The following SERGEF variants were observed in gnomAD, a reference collection of about 807,000 sequenced individuals.
SERGEF encodes the protein secretion-regulating guanine nucleotide exchange factor.
In SERGEF, 51 loss-of-function variants were observed where a neutral mutation model predicts 50.0. The observed-to-expected ratio is 1.02, with a 90% confidence interval of 0.81 to 1.29. The LOEUF (loss-of-function observed/expected upper bound fraction) is 1.29. Among genes scored for constraint, SERGEF ranks in the 50% most tolerant of loss-of-function variants. SERGEF has a pLI of 0.00. For missense variants in SERGEF, 521 were observed against 557.0 expected (o/e 0.94, Z 0.65); for synonymous variants, 205 against 212.4 (o/e 0.97, Z 0.30).
rs1849423022 is a variant in SERGEF at position 17,788,313 on chromosome 11, T to C, written c.1149A>G (p.Ser383=). ...CACAGCCCACAAGGAGTCCTGACGA[T>C]GACAGCAGAGCCTGCACCGGCTTTG... The part of the protein sequence containing the change: ...WAPKPVQALL[S]SSGLLVGCGA... Residue 383 remains serine, a synonymous_variant, in exon 11 of 11, where the codon TCA becomes TCG. Transcript: ENST00000265965. 5 of 1,614,122 alleles carry C rather than the reference T, an allele frequency of 3.1e-6. No individual in the cohort carries two copies. In the South Asian group the frequency reaches 4.4e-5, roughly 14 times the overall value.
intron 9 of SERGEF, among the ~76,000 whole-genome samples, chr11:17,923,013 C>T (rs1254249169): frequency 3.3e-5 from 5 of 152,204 alleles, no homozygotes; most frequent in African/African-American, 1.2e-4. Context: ...GTAATGACCA[C>T]GGGGCCAGCC....
chr11:17,909,005 A>G (rs1851901939), intron 9 of SERGEF, among the ~76,000 whole-genome samples: 1 of 152,234 alleles, frequency 6.6e-6, no homozygotes, highest in Admixed American at 6.5e-5. Context: ...AAATTAATAA[A>G]TAGTTTAGCC....
Position 17,817,479 on chromosome 11 carries a change from G to A in SERGEF, c.1049-29066C>T, listed in dbSNP as rs1400376329. Among the ~76,000 whole-genome samples the A allele has an allele frequency of 3.3e-5, 5 of 152,148 alleles. No homozygotes were observed. In the East Asian group the frequency reaches 7.7e-4, roughly 24 times the overall value. Reference sequence around the variant, plus strand: ...GATCTGCCTGCCTCAGCCTCCCAAAGTGCTGGGATTACAGGCATGAGCCAC... The same window carrying A: ...GATCTGCCTGCCTCAGCCTCCCAAAATGCTGGGATTACAGGCATGAGCCAC... On this transcript the variant is annotated intron_variant, in intron 10 of 10. Coordinates refer to ENST00000265965, the MANE Select transcript of SERGEF (RefSeq NM_012139.4).
chr11:17,970,084 C>T (rs1422104055), intron 8 of SERGEF, among the ~76,000 whole-genome samples: 3 of 152,184 alleles, frequency 2.0e-5, no homozygotes, highest in East Asian at 1.9e-4. Flanking sequence ...AAAGTATAGG[C>T]ATACTTCACT....
rs536705771 is a variant in SERGEF, at chr11:17,826,070, A to C, written c.1049-37657T>G. 1.2e-4 allele frequency among the ~76,000 whole-genome samples: 18 copies of C among 152,328 alleles called. No homozygotes were observed. The South Asian group carries it at 3.7e-3, about 32-fold the overall frequency. On this transcript the variant is annotated intron_variant, in intron 10 of 10. Coordinates refer to ENST00000265965, the MANE Select transcript of SERGEF (RefSeq NM_012139.4). ...ATGGGAATTAACTACCAAAACATAT[A>C]TGTAATCTCTGCCATAGTGCAATTA...
At chr11:18,011,084 T>C (rs551014246) in intron 1 of SERGEF, among the ~76,000 whole-genome samples, 1 of 152,182 alleles carries the variant, frequency 6.6e-6, no homozygotes, top group African/African-American at 2.4e-5. Context: ...AACTGTTGTT[T>C]GCCTTTCTTC....
chr11:17,947,950 C>CTTTTTT (rs397848456), intron 9 of SERGEF, among the ~76,000 whole-genome samples: 3 of 133,564 alleles, frequency 2.2e-5, no homozygotes, highest in Non-Finnish European at 3.2e-5. Flanking sequence ...CTAATCCATT[C>CTTTTTT]TTTTTTTTTT....
chr11:17,812,148 C>T (rs1217113679), intron 10 of SERGEF, among the ~76,000 whole-genome samples: 1 of 152,188 alleles, frequency 6.6e-6, no homozygotes, highest in African/African-American at 2.4e-5. Context: ...ACCCACTTCT[C>T]CATGGCAACG....
intron 9 of SERGEF, among the ~76,000 whole-genome samples, chr11:17,940,411 G>A (rs1332960311): frequency 1.3e-5 from 2 of 151,934 alleles, no homozygotes; most frequent in Non-Finnish European, 1.5e-5. Flanking sequence ...CCCCACCACC[G>A]CCCACCCAAC....
intron 7 of SERGEF, among the ~76,000 whole-genome samples, chr11:17,990,444 G>A (rs1385727837): frequency 6.6e-6 from 1 of 152,202 alleles, no homozygotes; most frequent in African/African-American, 2.4e-5. Flanking sequence ...TGCAAAGTAT[G>A]AAGATCTCTT....
chr11:17,908,141 A>T (rs1590190903), intron 9 of SERGEF, among the ~76,000 whole-genome samples: 1 of 152,014 alleles, frequency 6.6e-6, no homozygotes, highest in Admixed American at 6.6e-5. Flanking sequence ...TTTCTAAAAC[A>T]CTATTTTAAA....
At chr11:17,878,133 G>T in intron 10 of SERGEF, 75 bp downstream of exon 10, 2 of 1,127,928 alleles carry the variant, frequency 1.8e-6, no homozygotes, top group Non-Finnish European at 2.6e-6. Flanking sequence ...CATGGCTTTT[G>T]GTTAACCAAA....
intron 8 of SERGEF, among the ~76,000 whole-genome samples, chr11:17,961,440 G>A (rs192654654): frequency 1.1e-4 from 17 of 152,238 alleles, no homozygotes; most frequent in Admixed American, 2.0e-4. Context: ...TTAAATGACC[G>A]TTCCTCTGCT....
intron 9 of SERGEF, among the ~76,000 whole-genome samples, chr11:17,932,390 T>A (rs1331172647): frequency 1.3e-5 from 2 of 151,968 alleles, no homozygotes; most frequent in Non-Finnish European, 2.9e-5. Context: ...GGTCACTTTT[T>A]AAAAAAAATT....
intron 1 of SERGEF, chr11:18,010,193 TTACA>T: frequency 2.3e-5 from 16 of 701,078 alleles, no homozygotes; most frequent in South Asian, 4.9e-5. Flanking sequence ...ATATACATAC[TTACA>T]TACATACATA....
intron 9 of SERGEF, among the ~76,000 whole-genome samples, chr11:17,945,502 T>C (rs1427167240): frequency 1.3e-5 from 2 of 152,232 alleles, no homozygotes; most frequent in Non-Finnish European, 2.9e-5. Flanking sequence ...AAGTGCTAAG[T>C]AGCCACATGT....
intron 9 of SERGEF, among the ~76,000 whole-genome samples, chr11:17,889,433 A>G (rs977679885): frequency 1.6e-4 from 24 of 152,224 alleles, no homozygotes; most frequent in Non-Finnish European, 4.4e-5. Context: ...TGTGTAAGTG[A>G]AATCCAATCA....
At chr11:17,795,744 C>A (rs773882607) in intron 10 of SERGEF, among the ~76,000 whole-genome samples, 1 of 152,208 alleles carries the variant, frequency 6.6e-6, no homozygotes, top group Non-Finnish European at 1.5e-5. Flanking sequence ...TTGTGCTGCA[C>A]ACAAGACCCA....
At chr11:17,939,795 T>C (rs1852527446) in intron 9 of SERGEF, among the ~76,000 whole-genome samples, 1 of 152,210 alleles carries the variant, frequency 6.6e-6, no homozygotes, top group African/African-American at 2.4e-5. Context: ...TGGGACCCTG[T>C]CCAACTGGCA....
Sources: allele counts gnomAD v4.1 joint callset (sites outside exome capture counted in the v4.1 genomes callset), GRCh38; gene constraint gnomAD v4.1.1; transcripts MANE v1.5; gene names NCBI Gene and HGNC (gene_info 2026-07-23, HGNC 2026-07-21).